LYRM4: variants seen among roughly 807,000 people sequenced by gnomAD.
The protein encoded by LYRM4 is LYR motif-containing protein 4.
A neutral mutation model predicts 11.7 loss-of-function variants in LYRM4; 9 were observed. The ratio of observed to expected loss-of-function variants is 0.77; its 90% CI spans 0.46 to 1.34. The LOEUF (loss-of-function observed/expected upper bound fraction) is 1.34, where lower values mean the gene tolerates loss of function less well. Among genes scored for constraint, LYRM4 ranks in the 40% most tolerant of loss-of-function variants. LYRM4 has a pLI of 0.00. For missense variants in LYRM4, 133 were observed against 112.5 expected, an observed-to-expected ratio of 1.18 and a Z score of -0.82; for synonymous variants, 42 against 40.4, an observed-to-expected ratio of 1.04 and a Z score of -0.15.
intron 1 of LYRM4, among the ~76,000 whole-genome samples, chr6:5,259,938 A>G (rs142155248): frequency 6.6e-6 from 1 of 152,156 alleles, no homozygotes; most frequent in Non-Finnish European, 1.5e-5. Context: ...ACAATAAAAG[A>G]CTCATAGGCA....
At chr6:5,100,954 C>T (rs982999934), downstream of LYRM4, among the ~76,000 whole-genome samples, 1 of 152,210 alleles carries the variant, frequency 6.6e-6, no homozygotes, top group African/African-American at 2.4e-5. Flanking sequence ...ACAGACACTG[C>T]CCCGTCCTCT....
chr6:5,178,366 G>C (rs1759844036), intron 2 of LYRM4, among the ~76,000 whole-genome samples: 1 of 151,216 alleles, frequency 6.6e-6, no homozygotes. Flanking sequence ...GACCCTCTAA[G>C]GCAAATAATT....
chr6:5,124,186 T>C (rs1763595547), intron 2 of LYRM4, among the ~76,000 whole-genome samples: 1 of 152,146 alleles, frequency 6.6e-6, no homozygotes, highest in Non-Finnish European at 1.5e-5. Flanking sequence ...TTACTGAACA[T>C]ACCTTCCAGT....
At chr6:5,151,084 ATTTT>A (rs10599613) in intron 2 of LYRM4, among the ~76,000 whole-genome samples, 18 of 136,720 alleles carry the variant, frequency 1.3e-4, no homozygotes, top group Non-Finnish European at 1.9e-4. Flanking sequence ...TTTGTTTTGA[ATTTT>A]TTTTTTTTTT....
At position 5,226,102 on chromosome 6, in the gene LYRM4, G is replaced by A. The variant is rs80150732; in HGVS notation, c.87-9364C>T. 4.7e-3 allele frequency among the ~76,000 whole-genome samples: 709 copies of A among 152,236 alleles called. 7 individuals are homozygous for A. The highest frequency in any genetic ancestry group is 0.016 in the African/African-American group (675 of 41,530). On this transcript the variant is annotated intron_variant, in intron 1 of 2. Transcript: ENST00000330636. ...CTCTGGTTTGTTGCCATTTGGCTAT[G>A]TTTATGGTGCTTTTTATTTTTGTGA...
At chr6:5,160,276 C>T (rs1008088266) in intron 2 of LYRM4, among the ~76,000 whole-genome samples, 3 of 152,118 alleles carry the variant, frequency 2.0e-5, no homozygotes, top group East Asian at 1.9e-4. Flanking sequence ...ACTAGCCTCT[C>T]GGACCCTCCA....
At chr6:5,089,931 C>G in the LYRM4 span, among the ~76,000 whole-genome samples, 1 of 151,696 alleles carries the variant, frequency 6.6e-6, no homozygotes, top group African/African-American at 2.4e-5. Context: ...AATAGGTTTT[C>G]TTTGTTTTTG....
chr6:5,235,897 T>C (rs1763511008), intron 1 of LYRM4, among the ~76,000 whole-genome samples: 1 of 152,216 alleles, frequency 6.6e-6, no homozygotes, highest in African/African-American at 2.4e-5. Context: ...TCACTGGTTT[T>C]GAGATTCCTA....
At chr6:5,234,576 G>T (rs941479005) in intron 1 of LYRM4, among the ~76,000 whole-genome samples, 1 of 152,220 alleles carries the variant, frequency 6.6e-6, no homozygotes, top group Non-Finnish European at 1.5e-5. Context: ...TTTGAAGGAT[G>T]AATAGAATTT....
At chr6:5,219,527 C>G (rs1397357977) in intron 1 of LYRM4, among the ~76,000 whole-genome samples, 1 of 152,162 alleles carries the variant, frequency 6.6e-6, no homozygotes, top group Non-Finnish European at 1.5e-5. Flanking sequence ...TTCACTGGCT[C>G]AGAACCACAA....
chr6:5,210,640 T>C (rs576449064), intron 2 of LYRM4, among the ~76,000 whole-genome samples: 48 of 152,334 alleles, frequency 3.2e-4, no homozygotes, highest in African/African-American at 4.1e-4. Context: ...TCTTCCCAAA[T>C]TGAAACTCTG....
intron 2 of LYRM4, among the ~76,000 whole-genome samples, chr6:5,146,263 G>A (rs1422540771): frequency 6.6e-6 from 1 of 152,184 alleles, no homozygotes. Flanking sequence ...GTGCTGAGGG[G>A]TCCCTTATTG....
chr6:5,161,226 G>A (rs966140794), intron 2 of LYRM4, among the ~76,000 whole-genome samples: 3 of 152,144 alleles, frequency 2.0e-5, no homozygotes, highest in Non-Finnish European at 4.4e-5. Flanking sequence ...TTAAGAATTA[G>A]AACCAGGTTG....
chr6:5,180,135 G>A (rs915086853), intron 2 of LYRM4, among the ~76,000 whole-genome samples: 2 of 152,182 alleles, frequency 1.3e-5, no homozygotes, highest in Non-Finnish European at 2.9e-5. Flanking sequence ...TGTCACAGGA[G>A]CTGGTTACTA....
chr6:5,147,132 T>C (rs1437099059), intron 2 of LYRM4, among the ~76,000 whole-genome samples: 1 of 152,246 alleles, frequency 6.6e-6, no homozygotes, highest in Non-Finnish European at 1.5e-5. Context: ...GTTTTCATGA[T>C]GATCCTAATT....
Position 5,153,549 on chromosome 6 carries a change from G to C in LYRM4, c.208-44058C>G, listed in dbSNP as rs868331656. ...GGGGCAACTCACAGAACCTTCCAGA[G>C]CCTCAGTTTCCTCTTTTGTGAAAGA... On this transcript the variant is annotated intron_variant, in intron 2 of 2. Transcript: ENST00000330636. 3.9e-5 allele frequency among the ~76,000 whole-genome samples: 6 copies of C among 152,184 alleles called. No individual in the cohort carries two copies. The South Asian group carries it at 6.2e-4, about 16-fold the overall frequency.
chr6:5,233,567 A>G (rs1416911283), intron 1 of LYRM4, among the ~76,000 whole-genome samples: 1 of 152,204 alleles, frequency 6.6e-6, no homozygotes, highest in Non-Finnish European at 1.5e-5. Context: ...CAGAGGCTGG[A>G]GGCTGATTCA....
intron 2 of LYRM4, among the ~76,000 whole-genome samples, chr6:5,143,376 T>C (rs1257267957): frequency 2.6e-5 from 4 of 152,218 alleles, no homozygotes; most frequent in African/African-American, 9.6e-5. Flanking sequence ...TGCTTATACA[T>C]GGGCAAGTTT....
intron 1 of LYRM4, among the ~76,000 whole-genome samples, chr6:5,235,233 C>CCTGGGTT (rs1763472303): frequency 6.6e-6 from 1 of 152,144 alleles, no homozygotes; most frequent in East Asian, 1.9e-4. Flanking sequence ...ACCTCCGGCT[C>CCTGGGTT]CTGGGTTCAC....
Sources: gnomAD v4.1 joint callset for allele counts (sites outside exome capture counted in the v4.1 genomes callset) on GRCh38, gnomAD v4.1.1 for gene constraint, MANE v1.5 for transcripts, NCBI Gene and HGNC (gene_info 2026-07-23, HGNC 2026-07-21) for gene names.